The following ATXN7L1 variants were observed in gnomAD, a reference collection of about 807,000 sequenced individuals.
The protein encoded by ATXN7L1 is ataxin 7 like 1, also known as ataxin-7-like protein 1.
In ATXN7L1, 15 loss-of-function variants were observed where a neutral mutation model predicts 70.8. That is an observed-to-expected ratio of 0.21 (90% CI 0.14 to 0.33). The LOEUF is 0.33. Ranked by LOEUF, ATXN7L1 falls within the 10% of genes least tolerant of loss-of-function variation. The pLI is 1.00. For synonymous variants in ATXN7L1, 440 were observed against 445.1 expected (o/e 0.99, Z 0.14); for missense variants, 975 against 1,097.1 (o/e 0.89, Z 1.57).
At chr7:105,823,094 C>CTT (rs536360907) in intron 2 of ATXN7L1, among the ~76,000 whole-genome samples, 1 of 143,290 alleles carries the variant, frequency 7.0e-6, no homozygotes. Context: ...GGCCCTTTAT[C>CTT]TTTTTTTTTT....
At chr7:105,871,774 A>G (rs934920054) in intron 2 of ATXN7L1, among the ~76,000 whole-genome samples, 5 of 152,332 alleles carry the variant, frequency 3.3e-5, no homozygotes, top group African/African-American at 9.6e-5. Flanking sequence ...AGATGAAATA[A>G]TAACAATGAC....
chr7:105,705,187 G>A (rs1194132704), intron 3 of ATXN7L1, among the ~76,000 whole-genome samples: 1 of 151,644 alleles, frequency 6.6e-6, no homozygotes, highest in Non-Finnish European at 1.5e-5. Flanking sequence ...CTCCACGCCT[G>A]CCTAATTATT....
intron 3 of ATXN7L1, among the ~76,000 whole-genome samples, chr7:105,716,050 A>T (rs1794505904): frequency 6.6e-6 from 1 of 152,102 alleles, no homozygotes. Context: ...GTTGGAGAAG[A>T]AGGAGCTTCA....
At position 105,862,305 on chromosome 7, in the gene ATXN7L1, G is replaced by T. The variant is rs369981837; in HGVS notation, c.250+13507C>A. 2.5e-4 allele frequency among the ~76,000 whole-genome samples: 38 copies of T among 152,230 alleles called. No homozygotes were observed. The East Asian group carries it at 4.1e-3, about 16-fold the overall frequency. On this transcript the variant is annotated intron_variant, in intron 2 of 11. Transcript: ENST00000419735. ...GAAAAAATTAGCCAGGCATGGGGGC[G>T]TGCACCTGTGGCCCAGCTACTTGGG...
chr7:105,876,443 G>A lies in ATXN7L1; in HGVS notation c.116C>T (p.Pro39Leu). Residue 39 changes from proline to leucine, a missense_variant, in exon 1 of 12, where the codon CCG becomes CTG. Transcript: ENST00000419735. Reference sequence around the variant, plus strand: ...CCAGGGTTTGCCCAGAAACGCCTCCGGACTGGGCACTTTGCGATCCAGTGT... The same window carrying A: ...CCAGGGTTTGCCCAGAAACGCCTCCAGACTGGGCACTTTGCGATCCAGTGT... ...MATLDRKVPS[P>L]EAFLGKPWSS... 6.2e-7 allele frequency: 1 copy of A among 1,613,670 alleles called. No individual in the cohort carries two copies. Among genetic ancestry groups the A allele is most frequent in the Non-Finnish European group, 8.5e-7 (1 of 1,179,796 alleles).
intron 3 of ATXN7L1, among the ~76,000 whole-genome samples, chr7:105,734,979 G>A (rs564452356): frequency 1.1e-3 from 165 of 152,280 alleles, no homozygotes; most frequent in Admixed American, 2.3e-3. Flanking sequence ...TCCTGATAGA[G>A]TGCCTGACAT....
rs769933011 is a variant in ATXN7L1, at chr7:105,638,504, T to C, written c.1051A>G (p.Lys351Glu). The C allele has an allele frequency of 2.0e-5, 31 of 1,552,330 alleles. No homozygotes were observed. In the South Asian group the frequency reaches 3.7e-4, roughly 18 times the overall value. ...AKSREKEVKD[K>E]EHLLTSTREI... ...CTCGTGGAAGTCAGGAGATGCTCTT[T>C]ATCTTTAACTTCTTTTTCCCGGGAC... is the stretch of plus-strand genomic sequence containing the variant. Residue 351 changes from lysine to glutamate, a missense_variant, in exon 7 of 12, where the codon AAA becomes GAA. Lys to Glu is a moderately conservative substitution (Grantham distance 56). Transcript: ENST00000419735.
rs1433255387 is a variant in ATXN7L1, at chr7:105,630,060, C to T, written c.1203-5793G>A. 3.3e-5 allele frequency among the ~76,000 whole-genome samples: 5 copies of T among 152,196 alleles called. No individual in the cohort carries two copies. The South Asian group carries it at 8.3e-4, about 25-fold the overall frequency. On this transcript the variant is annotated intron_variant, in intron 7 of 11. Transcript: ENST00000419735. ...CTTGAACTCTTGACTTCAAGTGATC[C>T]GCCCACCTCAGCCTCCCAAAGTTCT...
chr7:105,871,066 T>C (rs1285034750), intron 2 of ATXN7L1, among the ~76,000 whole-genome samples: 1 of 150,924 alleles, frequency 6.6e-6, no homozygotes, highest in Non-Finnish European at 1.5e-5. Flanking sequence ...TTAAGATATT[T>C]TTAATGTGAG....
chr7:105,873,932 C>G (rs1223896022), intron 2 of ATXN7L1, among the ~76,000 whole-genome samples: 1 of 152,052 alleles, frequency 6.6e-6, no homozygotes, highest in African/African-American at 2.4e-5. Flanking sequence ...CAAGACCATC[C>G]TGGCCAACAT....
chr7:105,738,593 T>C lies in ATXN7L1; in HGVS notation c.355+50011A>G, dbSNP rs532299761. Among the ~76,000 whole-genome samples the C allele has an allele frequency of 7.9e-5, 12 of 152,390 alleles. No individual in the cohort carries two copies. In the South Asian group the frequency reaches 2.5e-3, roughly 32 times the overall value. ...TTATGTACTATTCTTATCCCTATTT[T>C]GTAATTGGGGAAATTGACGATCAAT... On this transcript the variant is annotated intron_variant, in intron 3 of 11. Transcript: ENST00000419735.
intron 7 of ATXN7L1, among the ~76,000 whole-genome samples, chr7:105,634,730 C>T (rs981227136): frequency 6.6e-6 from 1 of 151,962 alleles, no homozygotes; most frequent in Non-Finnish European, 1.5e-5. Context: ...CCTCAAAGCC[C>T]CCCAGACTGA....
At chr7:105,825,130 C>A (rs1159168625) in intron 2 of ATXN7L1, among the ~76,000 whole-genome samples, 1 of 152,158 alleles carries the variant, frequency 6.6e-6, no homozygotes, top group Non-Finnish European at 1.5e-5. Context: ...GAGAAAATTA[C>A]TTCCAACTTT....
intron 2 of ATXN7L1, among the ~76,000 whole-genome samples, chr7:105,806,660 T>A (rs1807665078): frequency 6.6e-6 from 1 of 151,954 alleles, no homozygotes; most frequent in Non-Finnish European, 1.5e-5. Flanking sequence ...AGGCTAGAAT[T>A]TGGGGAACAC....
Position 105,640,532 on chromosome 7 carries a change from T to A in ATXN7L1, c.863-963A>T, listed in dbSNP as rs569175335. 6.6e-5 allele frequency among the ~76,000 whole-genome samples: 10 copies of A among 152,286 alleles called. No individual in the cohort carries two copies. In the South Asian group the frequency reaches 2.1e-3, roughly 32 times the overall value. On this transcript the variant is annotated intron_variant, in intron 5 of 11. Coordinates refer to ENST00000419735, the MANE Select transcript of ATXN7L1 (RefSeq NM_020725.2). Reference sequence around the variant, plus strand: ...AATGAGGGGATGTGAGGTGATCTCTTTTTTTCATTTTTATTTTTTGAGACA... The same window carrying A: ...AATGAGGGGATGTGAGGTGATCTCTATTTTTCATTTTTATTTTTTGAGACA...
At chr7:105,657,702 CAAAAAAAAAA>C (rs71155465) in intron 4 of ATXN7L1, among the ~76,000 whole-genome samples, 9 of 26,114 alleles carry the variant, frequency 3.4e-4, no homozygotes, top group East Asian at 1.4e-3. Context: ...GACCCTGTCT[CAAAAAAAAAA>C]AAAAAAAAAA....
chr7:105,844,803 G>A (rs1404238312), intron 2 of ATXN7L1, among the ~76,000 whole-genome samples: 1 of 152,160 alleles, frequency 6.6e-6, no homozygotes, highest in African/African-American at 2.4e-5. Flanking sequence ...ATTTGCAGAT[G>A]ACATGACCTT....
At chr7:105,699,931 C>A (rs1224437183) in intron 3 of ATXN7L1, among the ~76,000 whole-genome samples, 1 of 152,168 alleles carries the variant, frequency 6.6e-6, no homozygotes, top group Non-Finnish European at 1.5e-5. Flanking sequence ...GGAAATCAGA[C>A]CATCAAGTTT....
chr7:105,784,458 A>ACACACACACACACACACACACACACACT (rs761004403), intron 3 of ATXN7L1, among the ~76,000 whole-genome samples: 36 of 151,644 alleles, frequency 2.4e-4, no homozygotes, highest in African/African-American at 8.5e-4. Flanking sequence ...ACACACACAC[A>ACACACACACACACACACACACACACACT]CTTTTTTCAA....
Sources: allele counts gnomAD v4.1 joint callset (sites outside exome capture counted in the v4.1 genomes callset), GRCh38; gene constraint gnomAD v4.1.1; transcripts MANE v1.5; gene names NCBI Gene and HGNC (gene_info 2026-07-23, HGNC 2026-07-21).